Variants in LRRN1 observed in about 807,000 individuals in gnomAD.
LRRN1 encodes the protein leucine-rich repeat neuronal protein 1.
A neutral mutation model predicts 45.8 loss-of-function variants in LRRN1; 14 were observed. The observed-to-expected ratio is 0.31, with a 90% CI of 0.20 to 0.48. LRRN1 has a LOEUF of 0.48. Among genes scored for constraint, LRRN1 ranks in the 20% least tolerant of loss-of-function variants. The pLI is 0.99. For missense variants in LRRN1, 789 were observed against 874.2 expected (o/e 0.90, Z 1.23); for synonymous variants, 359 against 330.1 (o/e 1.09, Z -0.95).
At position 3,847,999 on chromosome 3, in the gene LRRN1, A is replaced by T. The variant is rs1047576695; in HGVS notation, c.*1207A>T. Among the ~76,000 whole-genome samples the T allele has an allele frequency of 6.6e-6, 1 of 152,174 alleles. No individual in the cohort carries two copies. Among genetic ancestry groups the T allele is most frequent in the Admixed American group, 6.5e-5 (1 of 15,280 alleles). On this transcript the variant is annotated 3_prime_UTR_variant, in exon 2 of 2. Coordinates refer to ENST00000319331, the MANE Select transcript of LRRN1 (RefSeq NM_020873.7). ...ACAATGCGTGTGTATATATATATGA[A>T]TATATTGGATATGTCATTTCTGTAA...
rs936485245 is a variant in LRRN1 at position 3,848,490 on chromosome 3, G to A, written c.*1698G>A. Among the ~76,000 whole-genome samples the A allele has an allele frequency of 1.1e-4, 17 of 152,148 alleles. No homozygotes were observed. Among genetic ancestry groups the A allele is most frequent in the Non-Finnish European group, 2.1e-4 (14 of 68,024 alleles). ...CCAGACAAGCAAAAGCAAGGAAGTT[G>A]GCAGAAAGAAAGTCCAGGTGATGTA... is the stretch of plus-strand genomic sequence containing the variant. On this transcript the variant is annotated 3_prime_UTR_variant, in exon 2 of 2. Transcript: ENST00000319331.
intron 1 of LRRN1, among the ~76,000 whole-genome samples, chr3:3,815,562 C>T (rs778554726): frequency 3.9e-5 from 6 of 152,118 alleles, no homozygotes; most frequent in South Asian, 4.1e-4. Context: ...GACTTGAAAA[C>T]GCTGAAGTGA....
intron 1 of LRRN1, among the ~76,000 whole-genome samples, chr3:3,835,778 G>A (rs1027230153): frequency 2.0e-5 from 3 of 151,768 alleles, no homozygotes; most frequent in African/African-American, 2.4e-5. Flanking sequence ...GAGAGTCTCC[G>A]CCAAGTGCAG....
intron 1 of LRRN1, among the ~76,000 whole-genome samples, chr3:3,801,975 T>C (rs1311198960): frequency 6.6e-6 from 1 of 152,230 alleles, no homozygotes; most frequent in African/African-American, 2.4e-5. Flanking sequence ...TTCATTATAG[T>C]AGAAGATCGT....
chr3:3,842,577 C>T (rs558581529), intron 1 of LRRN1, among the ~76,000 whole-genome samples: 6 of 151,926 alleles, frequency 3.9e-5, no homozygotes, highest in Admixed American at 1.3e-4. Context: ...TTTACAAAGT[C>T]GAAAGGTTAA....
intron 1 of LRRN1, among the ~76,000 whole-genome samples, chr3:3,841,829 A>T (rs1298386875): frequency 6.6e-6 from 1 of 152,112 alleles, no homozygotes; most frequent in Admixed American, 6.5e-5. Context: ...GTATTTTTTC[A>T]TTTCATAGAA....
chr3:3,832,553 C>T (rs900452282), intron 1 of LRRN1, among the ~76,000 whole-genome samples: 3 of 152,100 alleles, frequency 2.0e-5, no homozygotes, highest in African/African-American at 7.2e-5. Context: ...CCAGTAGTCC[C>T]CAAAATGTCT....
In LRRN1 at chr3:3,799,747, C is replaced by G. The variant is rs2633833; in HGVS notation, c.-451C>G. The G allele has an allele frequency of 0.72, 111,287 of 155,458 alleles. 43,324 individuals carry two copies. The highest frequency in any genetic ancestry group is 0.89 in the Non-Finnish European group (61,944 of 69,852). The allele number at this position is 155,458 out of a possible 1,614,324, so 9.6% of individuals were successfully genotyped here. A position where few individuals can be genotyped will look rare whatever the true frequency, so the allele number is the denominator to read the frequency against. On this transcript the variant is annotated 5_prime_UTR_variant, in exon 1 of 2. Transcript: ENST00000319331. ...GCCTAGTCTCCGGTCTTGGTGCTCTCCCGGGGGTGCCCCAAGGAGCCAGTG... is the reference window on the plus strand; with the variant it reads ...GCCTAGTCTCCGGTCTTGGTGCTCTGCCGGGGGTGCCCCAAGGAGCCAGTG...
Position 3,846,639 on chromosome 3 carries a change from A to G in LRRN1, c.1998A>G (p.Lys666=), listed in dbSNP as rs766122168. ...GAAAAAACTACCACCACTCATTAAA[A>G]AAGTATATGCAAAAAACCTCTTCAA... ...FKRKNYHHSL[K]KYMQKTSSIP... is the part of the protein sequence containing the mutation. The change falls in exon 2 of 2, where the codon AAA becomes AAG. Residue 666 remains lysine, a synonymous_variant. Coordinates refer to ENST00000319331, the MANE Select transcript of LRRN1 (RefSeq NM_020873.7). The surrounding 1 kb of genome is among the most constrained non-coding windows in gnomAD (Gnocchi z 5.7). 5 of 1,613,990 alleles carry G rather than the reference A, an allele frequency of 3.1e-6. No individual in the cohort carries two copies. The highest frequency in any genetic ancestry group is 1.1e-5 in the South Asian group (1 of 91,088).
chr3:3,845,150 T>C lies in LRRN1; in HGVS notation c.509T>C (p.Leu170Ser). 6.2e-7 allele frequency: 1 copy of C among 1,614,150 alleles called. No individual in the cohort carries two copies. The highest frequency in any genetic ancestry group is 8.5e-7 in the Non-Finnish European group (1 of 1,180,016). ...AHAFAGLKNL[L>S]RLHLNSNKLK... ...GCTTTTGCAGGCTTAAAAAATCTAT[T>C]AAGGCTCCACCTGAACTCCAACAAA... is the stretch of plus-strand genomic sequence containing the variant. The change falls in exon 2 of 2, where the codon TTA (leucine) becomes TCA (serine). Residue 170 changes from leucine to serine, a missense_variant. By Grantham distance (145) the Leu-to-Ser change is moderately radical. Coordinates refer to ENST00000319331, the MANE Select transcript of LRRN1 (RefSeq NM_020873.7). This position sits in a 1 kb window ranked among gnomAD's most constrained non-coding sequence, Gnocchi z 6.5.
intron 1 of LRRN1, among the ~76,000 whole-genome samples, chr3:3,820,841 G>C (rs1693088102): frequency 6.6e-6 from 1 of 152,180 alleles, no homozygotes; most frequent in Non-Finnish European, 1.5e-5. Flanking sequence ...AAGAGTTTGA[G>C]TCACCTCTGA....
rs533954559 is a variant in LRRN1, at chr3:3,848,027, G to A, written c.*1235G>A. On this transcript the variant is annotated 3_prime_UTR_variant, in exon 2 of 2. Transcript: ENST00000319331. Reference sequence around the variant, plus strand: ...TATTGGATATGTCATTTCTGTAAGAGTTTTGTTAAAACCTGATTTTCTTTT... The same window carrying A: ...TATTGGATATGTCATTTCTGTAAGAATTTTGTTAAAACCTGATTTTCTTTT... Among the ~76,000 whole-genome samples, 1 of 152,066 alleles carries A rather than the reference G, an allele frequency of 6.6e-6. No homozygotes were observed. The highest frequency in any genetic ancestry group is 1.5e-5 in the Non-Finnish European group (1 of 68,018).
intron 1 of LRRN1, among the ~76,000 whole-genome samples, chr3:3,800,299 G>C (rs1002075748): frequency 2.6e-5 from 4 of 152,098 alleles, no homozygotes; most frequent in African/African-American, 9.7e-5. Context: ...GGGCTGCCGG[G>C]ATGTGAACCG....
At chr3:3,809,203 G>C (rs1443933179) in intron 1 of LRRN1, among the ~76,000 whole-genome samples, 1 of 152,150 alleles carries the variant, frequency 6.6e-6, no homozygotes, top group African/African-American at 2.4e-5. Context: ...GAGTGCAGGG[G>C]CGTGATCTTG....
chr3:3,837,297 G>A (rs1435138528), intron 1 of LRRN1, among the ~76,000 whole-genome samples: 5 of 149,132 alleles, frequency 3.4e-5, no homozygotes, highest in Admixed American at 1.4e-4. Flanking sequence ...GTCCTTGAGA[G>A]CATTTGGATT....
In LRRN1 at chr3:3,832,788, T is replaced by A; in HGVS notation, c.-278-11576T>A. 1.3e-5 allele frequency among the ~76,000 whole-genome samples: 2 copies of A among 152,198 alleles called. 1 individual carries two copies. The highest frequency in any genetic ancestry group is 2.9e-5 in the Non-Finnish European group (2 of 68,020). The stretch of plus-strand genomic sequence containing the variant: ...TCTGTTTTTATAATTCAAATTAGTA[T>A]TTTGTCCATGTGACCTAGAAGTTTT... On this transcript the variant is annotated intron_variant, in intron 1 of 1. Coordinates refer to ENST00000319331, the MANE Select transcript of LRRN1 (RefSeq NM_020873.7).
Position 3,846,336 on chromosome 3 carries a change from C to T in LRRN1, c.1695C>T (p.Asn565=), listed in dbSNP as rs762050117. The T allele has an allele frequency of 6.2e-7, 1 of 1,613,834 alleles. No homozygotes were observed. The highest frequency in any genetic ancestry group is 8.5e-7 in the Non-Finnish European group (1 of 1,180,010). The change falls in exon 2 of 2, where the codon AAC becomes AAT. Residue 565 remains asparagine, a synonymous_variant. Transcript: ENST00000319331. The surrounding 1 kb of genome is among the most constrained non-coding windows in gnomAD (Gnocchi z 5.7). ...KWSSATMKID[N]PHITYTARVP... ...CGTCTGCCACCATGAAGATTGATAA[C>T]CCTCACATAACATATACTGCCAGGG...
At chr3:3,812,185 A>T (rs1254874172) in intron 1 of LRRN1, among the ~76,000 whole-genome samples, 1 of 152,194 alleles carries the variant, frequency 6.6e-6, no homozygotes, top group African/African-American at 2.4e-5. Flanking sequence ...TTCCTTTCCC[A>T]TGTGGAGCTT....
At position 3,799,808 on chromosome 3, in the gene LRRN1, A is replaced by AGTCCTC. The variant is rs1553560434; in HGVS notation, c.-389_-384dup. On this transcript the variant is annotated 5_prime_UTR_variant, in exon 1 of 2. Transcript: ENST00000319331. ...GCTGGGAAGGAGGCGCCGCTCAGCT[A>AGTCCTC]GTCCTCCTCCTCCTCCTCGTCTTTC... 1 of 160,208 alleles carries AGTCCTC rather than the reference A, an allele frequency of 6.2e-6. No individual in the cohort carries two copies. The highest frequency in any genetic ancestry group is 1.4e-5 in the Non-Finnish European group (1 of 72,952). 9.9% of individuals were successfully genotyped at this position (160,208 alleles called of 1,614,324 possible).
Sources: allele counts gnomAD v4.1 joint callset (sites outside exome capture counted in the v4.1 genomes callset), GRCh38; gene constraint gnomAD v4.1.1; non-coding constraint Gnocchi (gnomAD v3.1); transcripts MANE v1.5; gene names NCBI Gene and HGNC (gene_info 2026-07-23, HGNC 2026-07-21).